The following DTNBP1 variants were observed in gnomAD, a reference collection of about 807,000 sequenced individuals.
DTNBP1 encodes the protein dystrobrevin binding protein 1.
A neutral mutation model predicts 42.8 loss-of-function variants in DTNBP1; 35 were observed. The observed-to-expected ratio is 0.82, with a 90% confidence interval of 0.63 to 1.09. The LOEUF is 1.09. Among genes scored for constraint, DTNBP1 ranks in the 50% least tolerant of loss-of-function variants. DTNBP1 has a pLI of 0.00. For missense variants in DTNBP1, 457 were observed against 424.2 expected, an observed-to-expected ratio of 1.08 and a Z score of -0.68; for synonymous variants, 171 against 162.2, an observed-to-expected ratio of 1.05 and a Z score of -0.41.
At chr6:15,639,961 T>C (rs1036344549) in intron 3 of DTNBP1, among the ~76,000 whole-genome samples, 3 of 152,198 alleles carry the variant, frequency 2.0e-5, no homozygotes, top group Non-Finnish European at 4.4e-5. Context: ...TTATTATGTA[T>C]GCTTTTCACA....
intron 6 of DTNBP1, among the ~76,000 whole-genome samples, chr6:15,599,732 A>C (rs907611368): frequency 6.6e-6 from 1 of 152,192 alleles, no homozygotes; most frequent in Non-Finnish European, 1.5e-5. Context: ...TGCAAAAAAC[A>C]CTTTTATTTT....
intron 6 of DTNBP1, among the ~76,000 whole-genome samples, chr6:15,608,252 T>C (rs1203804313): frequency 6.7e-6 from 1 of 148,752 alleles, no homozygotes; most frequent in Admixed American, 6.7e-5. Context: ...ATATCTACCT[T>C]GTTGTTGTTT....
intron 7 of DTNBP1, among the ~76,000 whole-genome samples, chr6:15,536,516 T>C (rs1773237179): frequency 6.6e-6 from 1 of 152,250 alleles, no homozygotes; most frequent in African/African-American, 2.4e-5. Flanking sequence ...AGCTTCCACA[T>C]GCTGTTAGGC....
At chr6:15,526,536 T>C (rs903950583) in intron 8 of DTNBP1, among the ~76,000 whole-genome samples, 3 of 152,214 alleles carry the variant, frequency 2.0e-5, no homozygotes, top group Admixed American at 1.3e-4. Context: ...GATCCCATGC[T>C]TGGCGGCATC....
chr6:15,548,181 C>T (rs1261957653), intron 7 of DTNBP1: 1 of 152,152 alleles, frequency 6.6e-6, no homozygotes, highest in Non-Finnish European at 1.5e-5. Context: ...ATTCTAACTG[C>T]TTTGAAAATT....
At chr6:15,629,002 C>T (rs1170714418) in intron 4 of DTNBP1, among the ~76,000 whole-genome samples, 2 of 152,124 alleles carry the variant, frequency 1.3e-5, no homozygotes, top group African/African-American at 2.4e-5. Context: ...TCAAGTTTCA[C>T]GCAAACCGCA....
rs141026401 is a variant in DTNBP1, at chr6:15,540,191, C to T, written c.512-6796G>A. On this transcript the variant is annotated intron_variant, in intron 7 of 9. Transcript: ENST00000344537. ...ATCTGCAAGGAATTTAGAGTGTACTCGTAAGAAAAAAAAATGAACTGAAGA... is the reference window on the plus strand; with the variant it reads ...ATCTGCAAGGAATTTAGAGTGTACTTGTAAGAAAAAAAAATGAACTGAAGA... Among the ~76,000 whole-genome samples the T allele has an allele frequency of 1.8e-4, 27 of 150,796 alleles. 1 individual carries two copies. Among genetic ancestry groups the T allele is most frequent in the Admixed American group, 1.3e-3 (20 of 15,104 alleles).
chr6:15,560,382 T>C (rs1298787730), intron 7 of DTNBP1, among the ~76,000 whole-genome samples: 1 of 152,332 alleles, frequency 6.6e-6, no homozygotes, highest in South Asian at 2.1e-4. Context: ...TTTGCACCAA[T>C]TGGGTAAAGT....
intron 9 of DTNBP1, chr6:15,523,457 C>A: frequency 7.7e-7 from 1 of 1,300,184 alleles, no homozygotes; most frequent in Admixed American, 2.8e-5. Context: ...ACATGTGACA[C>A]AGATCAAGTG....
chr6:15,538,339 G>A (rs374463887), intron 7 of DTNBP1, among the ~76,000 whole-genome samples: 3 of 152,118 alleles, frequency 2.0e-5, no homozygotes, highest in South Asian at 2.1e-4. Context: ...GAGCATCCCC[G>A]GGCTGACAGC....
intron 7 of DTNBP1, among the ~76,000 whole-genome samples, chr6:15,570,926 A>G (rs11968596): frequency 0.024 from 3,637 of 152,316 alleles, 149 homozygotes; most frequent in African/African-American, 0.082. Context: ...AATATAACAT[A>G]TGGTTTAACA....
chr6:15,528,988 T>C (rs2127792286), intron 8 of DTNBP1, among the ~76,000 whole-genome samples: 1 of 152,212 alleles, frequency 6.6e-6, no homozygotes, highest in East Asian at 1.9e-4. Flanking sequence ...AGAGAGAAAT[T>C]ATAAGAATGT....
intron 7 of DTNBP1, chr6:15,533,656 C>T (rs1773031598): frequency 1.6e-6 from 1 of 609,764 alleles, no homozygotes; most frequent in Non-Finnish European, 3.1e-6. Context: ...ACGACCTTCC[C>T]ACCCGCATCG....
At chr6:15,600,376 A>G (rs189408437) in intron 6 of DTNBP1, among the ~76,000 whole-genome samples, 60 of 152,304 alleles carry the variant, frequency 3.9e-4, no homozygotes, top group African/African-American at 1.4e-3. Flanking sequence ...CACCTACTCA[A>G]ATGGTCATTG....
chr6:15,575,997 C>G (rs963415556), intron 7 of DTNBP1, among the ~76,000 whole-genome samples: 1 of 152,190 alleles, frequency 6.6e-6, no homozygotes, highest in African/African-American at 2.4e-5. Context: ...CTCGGGATGA[C>G]TTTTGTCTAC....
At chr6:15,651,758 C>T (rs1186509338) in intron 2 of DTNBP1, among the ~76,000 whole-genome samples, 1 of 152,096 alleles carries the variant, frequency 6.6e-6, no homozygotes, top group Non-Finnish European at 1.5e-5. Flanking sequence ...GGCTCATTTG[C>T]CAAGTAGTAT....
intron 6 of DTNBP1, among the ~76,000 whole-genome samples, chr6:15,597,566 T>C (rs79133151): frequency 0.012 from 1,896 of 152,358 alleles, 39 homozygotes; most frequent in African/African-American, 0.042. Context: ...GAAGACTTCA[T>C]TGACATCCAA....
At chr6:15,564,396 A>T (rs1340474717) in intron 7 of DTNBP1, among the ~76,000 whole-genome samples, 4 of 152,100 alleles carry the variant, frequency 2.6e-5, no homozygotes, top group Non-Finnish European at 4.4e-5. Flanking sequence ...GACAAAAAAA[A>T]TTTTTCCTTT....
chr6:15,566,933 C>T (rs1012980749), intron 7 of DTNBP1, among the ~76,000 whole-genome samples: 2 of 152,084 alleles, frequency 1.3e-5, no homozygotes, highest in Non-Finnish European at 2.9e-5. Context: ...TCAGGTGATT[C>T]GCCGGCCTCA....
Sources: gnomAD v4.1 joint callset for allele counts (sites outside exome capture counted in the v4.1 genomes callset) on GRCh38, gnomAD v4.1.1 for gene constraint, MANE v1.5 for transcripts, NCBI Gene and HGNC (gene_info 2026-07-23, HGNC 2026-07-21) for gene names.